The following PCDHA1 variants were observed in gnomAD, a reference collection of about 807,000 sequenced individuals.
PCDHA1 encodes the protein protocadherin alpha-1.
Under a neutral mutation model 61.3 loss-of-function variants are expected in PCDHA1, and 42 were observed. That is an observed-to-expected ratio of 0.69 (90% CI 0.54 to 0.89). PCDHA1 has a LOEUF of 0.89. Among genes scored for constraint, PCDHA1 ranks in the 40% least tolerant of loss-of-function variants. The probability of loss-of-function intolerance (pLI) is 0.00; values close to 1 mark genes in which losing one functional copy is unlikely to be tolerated. For synonymous variants in PCDHA1, 610 were observed against 553.8 expected (o/e 1.10, Z -1.43); for missense variants, 1,256 against 1,235.3 (o/e 1.02, Z -0.25).
At chr5:140,828,286 G>T (rs1479873419) in intron 1 of PCDHA1, 1 of 1,614,136 alleles carries the variant, frequency 6.2e-7, no homozygotes, top group Admixed American at 1.7e-5. Context: ...GCCTGTTCAG[G>T]ATGGCCTCCA....
Position 140,924,728 on chromosome 5 carries a change from C to G in PCDHA1, c.2395-54221C>G, listed in dbSNP as rs191622894. Among the ~76,000 whole-genome samples, 1,223 of 151,892 alleles carry G rather than the reference C, an allele frequency of 8.1e-3. 6 individuals carry two copies. The highest frequency in any genetic ancestry group is 0.019 in the African/African-American group (789 of 41,420). ...TGTGCAACATGGCGAAACCTCACCT[C>G]TAATAAAAATACAAAAATTAACCGA... On this transcript the variant is annotated intron_variant, in intron 1 of 3. Transcript: ENST00000504120.
In PCDHA1 at chr5:140,802,803, AGT is replaced by A. The variant is rs782772519; in HGVS notation, c.2394+14121_2394+14122del. ...GCTAGAGCTGCTGCAGTTCCAGGTGAGTGCGCGCGATGCGGGCGTGCCGCCTC... is the reference window on the plus strand; with the variant it reads ...GCTAGAGCTGCTGCAGTTCCAGGTGAGCGCGCGATGCGGGCGTGCCGCCTC... On this transcript the variant is annotated intron_variant, in intron 1 of 3. Coordinates refer to ENST00000504120, the MANE Select transcript of PCDHA1 (RefSeq NM_018900.4). 1.9e-6 allele frequency: 3 copies of A among 1,613,464 alleles called. No homozygotes were observed. In the South Asian group the frequency reaches 3.3e-5, roughly 18 times the overall value.
chr5:140,936,270 T>C (rs1367001317), intron 1 of PCDHA1, among the ~76,000 whole-genome samples: 1 of 152,226 alleles, frequency 6.6e-6, no homozygotes, highest in African/African-American at 2.4e-5. Flanking sequence ...GAAGATATAT[T>C]CCTGTGTTTT....
intron 1 of PCDHA1, chr5:140,803,167 C>A (rs1554122607): frequency 2.5e-6 from 4 of 1,613,894 alleles, no homozygotes; most frequent in Non-Finnish European, 3.4e-6. Context: ...CACGGTGAAC[C>A]CTCATTGACC....
chr5:140,808,771 A>T, intron 1 of PCDHA1: 1 of 1,612,410 alleles, frequency 6.2e-7, no homozygotes, highest in Non-Finnish European at 8.5e-7. Flanking sequence ...ACGAGGAGCT[A>T]GAGCTGCTGC....
chr5:140,795,656 A>C (rs1554119521), intron 1 of PCDHA1: 1 of 1,614,148 alleles, frequency 6.2e-7, no homozygotes, highest in Non-Finnish European at 8.5e-7. Flanking sequence ...ATACTTATTA[A>C]GGTATTAGAT....
At chr5:140,982,434 T>A in intron 2 of PCDHA1, 41 bp from the exon 3 acceptor site, 1 of 1,613,270 alleles carries the variant, frequency 6.2e-7, no homozygotes, top group Non-Finnish European at 8.5e-7. Flanking sequence ...TGGGAAAGAA[T>A]TTATGATCTA....
chr5:140,786,435 G>T lies in PCDHA1; in HGVS notation c.145G>T (p.Ala49Ser), dbSNP rs142648775. Residue 49 changes from alanine (A) to serine (S), a missense_variant, in exon 1 of 4, where the codon GCT becomes TCT. Physicochemically the swap from Ala to Ser is moderately conservative, Grantham distance 99. Transcript: ENST00000504120. Reference protein sequence around the residue: ...AKHGTFVGRVAQDLGLELAEL... With the variant: ...AKHGTFVGRVSQDLGLELAEL... ...ACACGGCACCTTCGTTGGCCGCGTT[G>T]CTCAGGACCTGGGACTGGAGCTGGC... 4.1e-5 allele frequency: 66 copies of T among 1,613,354 alleles called. No homozygotes were observed. The highest frequency in any genetic ancestry group is 5.4e-5 in the Non-Finnish European group (64 of 1,180,042).
rs782537686 is a variant in PCDHA1, at chr5:140,967,852, C to T, written c.2395-11097C>T. 13 of 1,614,142 alleles carry T rather than the reference C, an allele frequency of 8.1e-6. No homozygotes were observed. The Middle Eastern group carries it at 1.2e-3, about 143-fold the overall frequency. On this transcript the variant is annotated intron_variant, in intron 1 of 3. Transcript: ENST00000504120. ...ACATCGTGGACGTGAATGACAATGC[C>T]CCAGAGGTGGTGCTCACGGACCTGT...
Position 140,828,776 on chromosome 5 carries a change from C to T in PCDHA1, c.2394+40092C>T, listed in dbSNP as rs200187130. ...TGAGCTCACAGGCACTGTTCAGCTG[C>T]TGGTCACAGTGCTGGATGTGAATGA... On this transcript the variant is annotated intron_variant, in intron 1 of 3. Transcript: ENST00000504120. 318 of 1,614,178 alleles carry T rather than the reference C, an allele frequency of 2.0e-4. No homozygotes were observed. The East Asian group carries it at 7.0e-3, about 35-fold the overall frequency.
chr5:140,814,710 G>A (rs1765569833), intron 1 of PCDHA1: 1 of 152,130 alleles, frequency 6.6e-6, no homozygotes, highest in South Asian at 2.1e-4. Context: ...TCATCACTAG[G>A]TGATAGGAAT....
chr5:140,790,390 C>T (rs1356906877), intron 1 of PCDHA1, among the ~76,000 whole-genome samples: 3 of 151,968 alleles, frequency 2.0e-5, no homozygotes, highest in Admixed American at 2.0e-4. Context: ...CATGAATGTC[C>T]CCTTGTGAAG....
In PCDHA1 at chr5:140,801,222, C is replaced by G. The variant is rs781901922; in HGVS notation, c.2394+12538C>G. 4 of 1,610,178 alleles carry G rather than the reference C, an allele frequency of 2.5e-6. No homozygotes were observed. In the African/African-American group the frequency reaches 5.3e-5, roughly 22 times the overall value. ...AATGTTGTTCTCCTGGCGAGAAGAT[C>G]CTGGAGCCCAGTGCCTGCTGCTTTC... On this transcript the variant is annotated intron_variant, in intron 1 of 3. Transcript: ENST00000504120.
chr5:140,971,843 G>T (rs1250084892), intron 1 of PCDHA1, among the ~76,000 whole-genome samples: 2 of 151,906 alleles, frequency 1.3e-5, no homozygotes, highest in Non-Finnish European at 2.9e-5. Flanking sequence ...TGCAAGTCAT[G>T]CGTTAAATAT....
At chr5:140,856,381 G>T in intron 1 of PCDHA1, 2 of 1,598,516 alleles carry the variant, frequency 1.3e-6, no homozygotes, top group South Asian at 1.1e-5. Context: ...TCGTGGACAG[G>T]CCGCTGCAGG....
rs1274160852 is a variant in PCDHA1, at chr5:140,922,009, TA to T, written c.2395-56933del. On this transcript the variant is annotated intron_variant, in intron 1 of 3. Coordinates refer to ENST00000504120, the MANE Select transcript of PCDHA1 (RefSeq NM_018900.4). ...AAAGAGTTCAATGAAATGATTAGTTTAAAAAAATAAATATAAAAAATGTAAT... is the reference window on the plus strand; with the variant it reads ...AAAGAGTTCAATGAAATGATTAGTTTAAAAAATAAATATAAAAAATGTAAT... 1.3e-5 allele frequency among the ~76,000 whole-genome samples: 2 copies of T among 152,076 alleles called. 1 individual carries two copies. The highest frequency in any genetic ancestry group is 4.8e-5 in the African/African-American group (2 of 41,508).
At chr5:140,864,124 T>C (rs528215401) in intron 1 of PCDHA1, 4 of 152,368 alleles carry the variant, frequency 2.6e-5, no homozygotes, top group South Asian at 2.1e-4. Flanking sequence ...TGAATTAGAC[T>C]GAGTGGCTGT....
At chr5:140,940,245 T>A (rs1262681154) in intron 1 of PCDHA1, among the ~76,000 whole-genome samples, 1 of 152,210 alleles carries the variant, frequency 6.6e-6, no homozygotes, top group Non-Finnish European at 1.5e-5. Flanking sequence ...TAAAGTTACC[T>A]CCTCAATATC....
chr5:140,851,763 C>T (rs1554145528), intron 1 of PCDHA1: 1 of 969,364 alleles, frequency 1.0e-6, no homozygotes, highest in Admixed American at 6.3e-5. Context: ...TAAAACATTA[C>T]CCTTATGAAT....
Sources: gnomAD v4.1 joint callset for allele counts (sites outside exome capture counted in the v4.1 genomes callset) on GRCh38, gnomAD v4.1.1 for gene constraint, MANE v1.5 for transcripts, NCBI Gene and HGNC (gene_info 2026-07-23, HGNC 2026-07-21) for gene names.